SPATA2: variants seen among roughly 807,000 people sequenced by gnomAD.
The protein encoded by SPATA2 is spermatogenesis associated 2.
A neutral mutation model predicts 35.4 loss-of-function variants in SPATA2; 8 were observed. The ratio of observed to expected loss-of-function variants is 0.23; its 90% CI spans 0.13 to 0.41. The LOEUF is 0.41. Ranked by LOEUF, SPATA2 falls within the 10% of genes least tolerant of loss-of-function variation. The probability of loss-of-function intolerance (pLI) is 1.00; values close to 1 mark genes in which losing one functional copy is unlikely to be tolerated. For synonymous variants in SPATA2, 293 were observed against 300.9 expected (o/e 0.97, Z 0.27); for missense variants, 650 against 698.7 (o/e 0.93, Z 0.79).
In SPATA2 at chr20:49,906,240, G is replaced by A. The variant is rs140156734; in HGVS notation, c.942C>T (p.Pro314=). 1,888 of 1,567,908 alleles carry A rather than the reference G, an allele frequency of 1.2e-3. 3 individuals are homozygous for A. The highest frequency in any genetic ancestry group is 7.7e-3 in the African/African-American group (569 of 74,166). The change falls in exon 3 of 3, where the codon CCC becomes CCT. Residue 314 remains proline (P), a synonymous_variant. Coordinates refer to ENST00000289431, the MANE Select transcript of SPATA2 (RefSeq NM_006038.4). The surrounding 1 kb of genome is among the most constrained non-coding windows in gnomAD (Gnocchi z 8.2). ...GGGCCGGGCCGTTGCTGGGGGAGGC[G>A]GGTGGAAGCACATCCGGGCTGCCGT... ...SPHGSPDVLP[P]ASPSNGPALL...
At position 49,903,910 on chromosome 20, in the gene SPATA2, T is replaced by TAG. The variant is rs2090123133; in HGVS notation, c.*1708_*1709insCT. 2.1e-4 allele frequency: 5 copies of TAG among 23,262 alleles called. No homozygotes were observed. In the East Asian group the frequency reaches 0.01, roughly 47 times the overall value. The allele number at this position is 23,262 out of a possible 1,614,324, so 1.4% of individuals were successfully genotyped here. ...ATGTGATCTACCAGATAGATATATA[T>TAG]ATATATATATATATATATATATATA... On this transcript the variant is annotated 3_prime_UTR_variant, in exon 3 of 3. Coordinates refer to ENST00000289431, the MANE Select transcript of SPATA2 (RefSeq NM_006038.4).
chr20:49,909,638 C>A (rs1330641562), intron 1 of SPATA2, among the ~76,000 whole-genome samples: 2 of 152,154 alleles, frequency 1.3e-5, no homozygotes, highest in African/African-American at 4.8e-5. Flanking sequence ...GGCAATCTGG[C>A]TCCAAAGTCC....
intron 1 of SPATA2, among the ~76,000 whole-genome samples, chr20:49,913,199 C>T (rs2090191015): frequency 6.6e-6 from 1 of 152,220 alleles, no homozygotes; most frequent in Non-Finnish European, 1.5e-5. Flanking sequence ...TTACCTACAT[C>T]ATCCCATTTA....
rs2090149446 is a variant in SPATA2, at chr20:49,906,947, C to T, written c.337-102G>A. The T allele has an allele frequency of 1.5e-5, 20 of 1,330,238 alleles. No homozygotes were observed. The highest frequency in any genetic ancestry group is 2.6e-4 in the Middle Eastern group (1 of 3,806). The allele number at this position is 1,330,238 out of a possible 1,614,324, so 82.4% of individuals were successfully genotyped here. A position where few individuals can be genotyped will look rare whatever the true frequency, so the allele number is the denominator to read the frequency against. On this transcript the variant is annotated intron_variant, in intron 2 of 2. Coordinates refer to ENST00000289431, the MANE Select transcript of SPATA2 (RefSeq NM_006038.4). The surrounding 1 kb of genome is among the most constrained non-coding windows in gnomAD (Gnocchi z 8.2). Reference sequence around the variant, plus strand: ...GATGTCCAGCTCTGAAGTGGGGCGGCGGGGAGAGGGCAGGGCAGGGAAGGA... The same window carrying T: ...GATGTCCAGCTCTGAAGTGGGGCGGTGGGGAGAGGGCAGGGCAGGGAAGGA...
chr20:49,907,218 G>A (rs571694), intron 2 of SPATA2, among the ~76,000 whole-genome samples: 54,320 of 151,956 alleles, frequency 0.36, 11,259 homozygotes, highest in South Asian at 0.56. Flanking sequence ...CCGCCAACAC[G>A]CCCAGCTAAT....
chr20:49,913,562 T>C (rs1251306325), intron 1 of SPATA2: 1 of 152,244 alleles, frequency 6.6e-6, no homozygotes, highest in African/African-American at 2.4e-5. Context: ...ACTCCGACTC[T>C]TGCAAAGCCA....
rs1051916618 is a variant in SPATA2 at position 49,906,717 on chromosome 20, C to A, written c.465G>T (p.Glu155Asp). The change falls in exon 3 of 3, where the codon GAG becomes GAT. Residue 155 changes from glutamate (E) to aspartate (D), a missense_variant. Coordinates refer to ENST00000289431, the MANE Select transcript of SPATA2 (RefSeq NM_006038.4). The surrounding 1 kb of genome is among the most constrained non-coding windows in gnomAD (Gnocchi z 8.2). ...AGGAGACCATCTTCACCTGGAGGGT[C>A]TCCACGAGCTCTCTGAGCTTGTATG... is the stretch of plus-strand genomic sequence containing the variant. ...GTAYKLRELV[E>D]TLQVKMVSFE... The A allele has an allele frequency of 9.9e-6, 16 of 1,614,130 alleles. No homozygotes were observed. The highest frequency in any genetic ancestry group is 1.7e-5 in the Admixed American group (1 of 60,008).
At position 49,908,099 on chromosome 20, in the gene SPATA2, G is replaced by C; in HGVS notation, c.336+56C>G. 5.3e-6 allele frequency: 8 copies of C among 1,512,042 alleles called. No individual in the cohort carries two copies. The South Asian group carries it at 1.0e-4, about 19-fold the overall frequency. 93.7% of individuals were successfully genotyped at this position (1,512,042 alleles called of 1,614,324 possible). A position where few individuals can be genotyped will look rare whatever the true frequency, so the allele number is the denominator to read the frequency against. ...CTGGCATAGCCTCTCAGGAGGGACTGCCAGGGGCAGGAAGAGAGAAGGAGG... is the reference window on the plus strand; with the variant it reads ...CTGGCATAGCCTCTCAGGAGGGACTCCCAGGGGCAGGAAGAGAGAAGGAGG... On this transcript the variant is annotated intron_variant, in intron 2 of 2. Coordinates refer to ENST00000289431, the MANE Select transcript of SPATA2 (RefSeq NM_006038.4).
Position 49,908,240 on chromosome 20 carries a change from G to A in SPATA2, c.251C>T (p.Ala84Val), listed in dbSNP as rs1568907710. 1.2e-6 allele frequency: 2 copies of A among 1,614,140 alleles called. No homozygotes were observed. Among genetic ancestry groups the A allele is most frequent in the Non-Finnish European group, 1.7e-6 (2 of 1,180,044 alleles). ...CAGCATGCTGAAGGCGCCGTGCAGA[G>A]CCCGCAGGCTAGAGGAGCTGAGCGA... is the stretch of plus-strand genomic sequence containing the variant. ...LRSLSSSSLR[A>V]LHGAFSMLET... Residue 84 changes from alanine (A) to valine (V), a missense_variant, in exon 2 of 3, where the codon GCT (alanine) becomes GTT (valine). Transcript: ENST00000289431.
Position 49,903,904 on chromosome 20 carries a change from T to C in SPATA2, c.*1715A>G, listed in dbSNP as rs1198302604. 1 of 11,312 alleles carries C rather than the reference T, an allele frequency of 8.8e-5. No individual in the cohort carries two copies. Among genetic ancestry groups the C allele is most frequent in the African/African-American group, 3.0e-4 (1 of 3,360 alleles). 0.7% of individuals were successfully genotyped at this position (11,312 alleles called of 1,614,324 possible). A position where few individuals can be genotyped will look rare whatever the true frequency, so the allele number is the denominator to read the frequency against. On this transcript the variant is annotated 3_prime_UTR_variant, in exon 3 of 3. Transcript: ENST00000289431. ...ATCTACATGTGATCTACCAGATAGA[T>C]ATATATATATATATATATATATATA...
rs1224507004 is a variant in SPATA2, at chr20:49,904,975, G to T, written c.*644C>A. The T allele has an allele frequency of 6.5e-6, 1 of 153,306 alleles. No individual in the cohort carries two copies. The highest frequency in any genetic ancestry group is 1.5e-5 in the Non-Finnish European group (1 of 68,578). The allele number at this position is 153,306 out of a possible 1,614,324, so 9.5% of individuals were successfully genotyped here. A position where few individuals can be genotyped will look rare whatever the true frequency, so the allele number is the denominator to read the frequency against. On this transcript the variant is annotated 3_prime_UTR_variant, in exon 3 of 3. Transcript: ENST00000289431. ...GTGTGTTGGAGCAAAGTTCACGAAG[G>T]CCATGGGCTGACTGAGCTGTGGTGT...
intron 1 of SPATA2, among the ~76,000 whole-genome samples, chr20:49,914,024 C>G (rs73613339): frequency 0.054 from 3,427 of 63,784 alleles, 369 homozygotes; most frequent in East Asian, 0.49. Context: ...CCGTGCCAGT[C>G]TGGTGGAAAA....
Position 49,905,964 on chromosome 20 carries a change from T to C in SPATA2, c.1218A>G (p.Pro406=), listed in dbSNP as rs2090139918. Residue 406 remains proline (P), a synonymous_variant, in exon 3 of 3, where the codon CCA becomes CCG. Transcript: ENST00000289431. ...TGGGGAAGGCGCTGGGCTTGGAAGC[T>C]GGAGGACAGGTGAGCAGGCTGTCAC... The part of the protein sequence containing the change: ...QRCDSLLTCP[P]ASKPSAFPSK... 3.1e-6 allele frequency: 5 copies of C among 1,609,164 alleles called. No homozygotes were observed. The highest frequency in any genetic ancestry group is 1.1e-5 in the South Asian group (1 of 91,048).
At position 49,904,647 on chromosome 20, in the gene SPATA2, C is replaced by T. The variant is rs1238225683; in HGVS notation, c.*972G>A. On this transcript the variant is annotated 3_prime_UTR_variant, in exon 3 of 3. Transcript: ENST00000289431. ...AGGGAAGACAGTGGCTCTCCACCAG[C>T]TCAAGAAAAGGAGGCTTCATGTCTG... 3.9e-5 allele frequency: 6 copies of T among 152,614 alleles called. No individual in the cohort carries two copies. Among genetic ancestry groups the T allele is most frequent in the Non-Finnish European group, 1.5e-5 (1 of 68,070 alleles). 9.5% of individuals were successfully genotyped at this position (152,614 alleles called of 1,614,324 possible).
At chr20:49,909,918 C>T (rs1190713439) in intron 1 of SPATA2, among the ~76,000 whole-genome samples, 3 of 152,214 alleles carry the variant, frequency 2.0e-5, no homozygotes, top group Non-Finnish European at 2.9e-5. Context: ...CCGTGGCTAC[C>T]GGCCCCTGGA....
chr20:49,903,687 G>A lies in SPATA2; in HGVS notation c.*1932C>T, dbSNP rs1368847252. 6.6e-6 allele frequency: 1 copy of A among 151,942 alleles called. No homozygotes were observed. Among genetic ancestry groups the A allele is most frequent in the African/African-American group, 2.4e-5 (1 of 41,332 alleles). 9.4% of individuals were successfully genotyped at this position (151,942 alleles called of 1,614,324 possible). ...GGTAAGTTACGTGGCATCACGGTTG[G>A]TTAGAAAGAGTTAGTTACTGTAATG... On this transcript the variant is annotated 3_prime_UTR_variant, in exon 3 of 3. Coordinates refer to ENST00000289431, the MANE Select transcript of SPATA2 (RefSeq NM_006038.4).
chr20:49,915,509 G>T lies in SPATA2; in HGVS notation c.-232C>A, dbSNP rs1042361496. On this transcript the variant is annotated 5_prime_UTR_variant, in exon 1 of 3. Transcript: ENST00000289431. ...AGGGGTACTGAGACCAGTACCCGGG[G>T]GCCAGCAGCGACCCGGAAACACTCG... The T allele has an allele frequency of 1.3e-5, 2 of 152,402 alleles. No homozygotes were observed. Among genetic ancestry groups the T allele is most frequent in the South Asian group, 2.1e-4 (1 of 4,826 alleles). 9.4% of individuals were successfully genotyped at this position (152,402 alleles called of 1,614,324 possible). A position where few individuals can be genotyped will look rare whatever the true frequency, so the allele number is the denominator to read the frequency against.
rs2090163472 is a variant in SPATA2 at position 49,908,566 on chromosome 20, T to C, written c.-76A>G. ...AGGGACATCACTAAAAGCATGGACA[T>C]GTTGCCGCCTGGACCAGCGGAGTGC... On this transcript the variant is annotated 5_prime_UTR_variant, in exon 2 of 3. It removes an upstream start codon present in the reference 5' UTR. Coordinates refer to ENST00000289431, the MANE Select transcript of SPATA2 (RefSeq NM_006038.4). The C allele has an allele frequency of 7.4e-6, 9 of 1,223,978 alleles. No homozygotes were observed. The highest frequency in any genetic ancestry group is 1.5e-5 in the African/African-American group (1 of 66,616). 75.8% of individuals were successfully genotyped at this position (1,223,978 alleles called of 1,614,324 possible).
Position 49,903,585 on chromosome 20 carries a change from C to T in SPATA2, c.*2034G>A, listed in dbSNP as rs546270445. 2 of 152,122 alleles carry T rather than the reference C, an allele frequency of 1.3e-5. No individual in the cohort carries two copies. Among genetic ancestry groups the T allele is most frequent in the Non-Finnish European group, 2.9e-5 (2 of 68,016 alleles). The allele number at this position is 152,122 out of a possible 1,614,324, so 9.4% of individuals were successfully genotyped here. A position where few individuals can be genotyped will look rare whatever the true frequency, so the allele number is the denominator to read the frequency against. On this transcript the variant is annotated 3_prime_UTR_variant, in exon 3 of 3. Coordinates refer to ENST00000289431, the MANE Select transcript of SPATA2 (RefSeq NM_006038.4). ...AGTATTTCGTATTCCAGTCTGTGAC[C>T]ACAGTGCGTCCGTGATGACAGGTAC...
Sources: gnomAD v4.1 joint callset for allele counts (sites outside exome capture counted in the v4.1 genomes callset) on GRCh38, gnomAD v4.1.1 for gene constraint, Gnocchi (gnomAD v3.1) non-coding constraint, MANE v1.5 for transcripts, NCBI Gene and HGNC (gene_info 2026-07-23, HGNC 2026-07-21) for gene names.